The following IGSF10 variants were observed in gnomAD, a reference collection of about 807,000 sequenced individuals.
IGSF10 encodes immunoglobulin superfamily member 10.
In IGSF10, 126 loss-of-function variants were observed where a neutral mutation model predicts 128.2. That is an observed-to-expected ratio of 0.98 (90% confidence interval 0.85 to 1.14). IGSF10 has a LOEUF of 1.14. Ranked by LOEUF, IGSF10 falls within the 50% of genes most tolerant of loss-of-function variation. IGSF10 has a pLI of 0.00. For synonymous variants in IGSF10, 1,185 were observed against 1,146.2 expected (o/e 1.03, Z -0.68); for missense variants, 3,295 against 3,149.8 (o/e 1.05, Z -1.10).
chr3:151,527,685 C>T, the IGSF10 span, among the ~76,000 whole-genome samples: 1 of 152,154 alleles, frequency 6.6e-6, no homozygotes, highest in Non-Finnish European at 1.5e-5. Flanking sequence ...TGTAGTGGCT[C>T]ATGCCTATAA....
At chr3:151,604,456 C>G in the IGSF10 span, among the ~76,000 whole-genome samples, 1 of 151,844 alleles carries the variant, frequency 6.6e-6, no homozygotes, top group African/African-American at 2.4e-5. Context: ...ATAATATAAT[C>G]TTAAACTTGA....
the IGSF10 span, among the ~76,000 whole-genome samples, chr3:151,476,692 G>A: frequency 1.4e-4 from 21 of 152,274 alleles, no homozygotes; most frequent in Non-Finnish European, 2.1e-4. Context: ...CTCACCACAG[G>A]CCTGTCATCT....
rs757803503 is a variant in IGSF10, at chr3:151,437,459, C to T, written c.7102G>A (p.Glu2368Lys). The T allele has an allele frequency of 1.2e-6, 2 of 1,614,194 alleles. No homozygotes were observed. The highest frequency in any genetic ancestry group is 4.5e-5 in the East Asian group (2 of 44,886). ...CCATTTGGTAAAATCCAGATTATTT[C>T]AGGTGGTGGGTTACCATCAACAGAG... is the stretch of plus-strand genomic sequence containing the variant. Reference protein sequence around the residue: ...NCSVDGNPPPEIIWILPNGTR... With the variant: ...NCSVDGNPPPKIIWILPNGTR... Residue 2368 changes from glutamate to lysine, a missense_variant, in exon 8 of 8, where the codon GAA becomes AAA. Physicochemically the swap from Glu to Lys is moderately conservative, Grantham distance 56. Transcript: ENST00000282466.
chr3:151,613,249 A>C, the IGSF10 span, among the ~76,000 whole-genome samples: 1 of 152,104 alleles, frequency 6.6e-6, no homozygotes, highest in African/African-American at 2.4e-5. Context: ...CCATACTGCC[A>C]AAGGTAATTT....
In IGSF10 at chr3:151,438,021, A is replaced by G; in HGVS notation, c.6540T>C (p.Asn2180=). ...TATCAATGGAGAAGGAAATCATGTC[A>G]TTGGAAGGCAGCAACCAAAATATTT... ...KPKIFWLLPS[N]DMISFSIDRY... Residue 2180 remains asparagine (N), a synonymous_variant, in exon 8 of 8, where the codon AAT becomes AAC. Transcript: ENST00000282466. The G allele has an allele frequency of 6.2e-7, 1 of 1,614,222 alleles. No homozygotes were observed. Among genetic ancestry groups the G allele is most frequent in the Non-Finnish European group, 8.5e-7 (1 of 1,180,040 alleles).
At chr3:151,508,581 T>C in the IGSF10 span, among the ~76,000 whole-genome samples, 1 of 152,184 alleles carries the variant, frequency 6.6e-6, no homozygotes, top group African/African-American at 2.4e-5. Context: ...GTACTCTGGT[T>C]AAATGACTAT....
the IGSF10 span, among the ~76,000 whole-genome samples, chr3:151,574,289 C>T: frequency 6.6e-6 from 1 of 152,202 alleles, no homozygotes; most frequent in African/African-American, 2.4e-5. Flanking sequence ...GGAAGTTCTC[C>T]TGGATAACAT....
At chr3:151,464,892 C>A (rs916147532), upstream of IGSF10, among the ~76,000 whole-genome samples, 4 of 152,166 alleles carry the variant, frequency 2.6e-5, no homozygotes, top group African/African-American at 9.7e-5. Context: ...GCAACTCAAC[C>A]AACTAAAGTC....
chr3:151,582,299 G>GC, the IGSF10 span, among the ~76,000 whole-genome samples: 2 of 108,108 alleles, frequency 1.8e-5, no homozygotes, highest in East Asian at 6.6e-4. Flanking sequence ...ATCCGGGGGG[G>GC]GGGGCGGGAA....
the IGSF10 span, among the ~76,000 whole-genome samples, chr3:151,595,606 A>G: frequency 1.7e-3 from 257 of 150,260 alleles, no homozygotes; most frequent in Non-Finnish European, 2.9e-3. Context: ...GGCCTTAAGA[A>G]AGAAGGAAAT....
chr3:151,592,832 C>T, the IGSF10 span, among the ~76,000 whole-genome samples: 1 of 152,090 alleles, frequency 6.6e-6, no homozygotes, highest in Non-Finnish European at 1.5e-5. Context: ...CTGTGTAATG[C>T]AGTGCTTTGA....
chr3:151,546,171 T>C, the IGSF10 span, among the ~76,000 whole-genome samples: 1 of 152,038 alleles, frequency 6.6e-6, no homozygotes, highest in African/African-American at 2.4e-5. Flanking sequence ...GGTCTCACTC[T>C]GGACCATTAA....
intron 7 of IGSF10, among the ~76,000 whole-genome samples, chr3:151,440,157 G>A (rs1432543620): frequency 6.6e-6 from 1 of 152,100 alleles, no homozygotes; most frequent in East Asian, 1.9e-4. Context: ...CAACCTCTGA[G>A]TAGCTGGGAC....
the IGSF10 span, among the ~76,000 whole-genome samples, chr3:151,552,419 C>G: frequency 6.6e-6 from 1 of 152,038 alleles, no homozygotes; most frequent in African/African-American, 2.4e-5. Flanking sequence ...GCCAGCAAAC[C>G]GAGAAGATGA....
chr3:151,614,960 C>T, the IGSF10 span, among the ~76,000 whole-genome samples: 1 of 149,034 alleles, frequency 6.7e-6, no homozygotes, highest in Non-Finnish European at 1.5e-5. Context: ...GAAACTTTTA[C>T]TAAAAGCAAT....
chr3:151,599,503 G>A, the IGSF10 span, among the ~76,000 whole-genome samples: 1 of 152,138 alleles, frequency 6.6e-6, no homozygotes, highest in African/African-American at 2.4e-5. Flanking sequence ...GAGGATACTG[G>A]TCTTGAAATC....
At chr3:151,616,262 T>C in the IGSF10 span, among the ~76,000 whole-genome samples, 9 of 152,202 alleles carry the variant, frequency 5.9e-5, no homozygotes, top group Non-Finnish European at 1.3e-4. Flanking sequence ...CCACCGTGCC[T>C]GGCACTAAAT....
chr3:151,556,241 A>C, the IGSF10 span, among the ~76,000 whole-genome samples: 6 of 152,202 alleles, frequency 3.9e-5, no homozygotes, highest in South Asian at 1.2e-3. Flanking sequence ...ATTACAAAAA[A>C]ATATTTAGAG....
At chr3:151,462,811 A>G (rs1270866060), upstream of IGSF10, among the ~76,000 whole-genome samples, 3 of 152,142 alleles carry the variant, frequency 2.0e-5, no homozygotes, top group South Asian at 2.1e-4. Flanking sequence ...GTATATGAAC[A>G]TGGTCTTTAG....
Sources: allele counts gnomAD v4.1 joint callset (sites outside exome capture counted in the v4.1 genomes callset), GRCh38; gene constraint gnomAD v4.1.1; transcripts MANE v1.5; gene names NCBI Gene and HGNC (gene_info 2026-07-23, HGNC 2026-07-21).